Variants in PIK3C2G observed in about 807,000 individuals in gnomAD.
PIK3C2G encodes phosphatidylinositol 3-kinase C2 domain-containing subunit gamma.
In PIK3C2G, 168 loss-of-function variants were observed where a neutral mutation model predicts 181.1. That is an observed-to-expected ratio of 0.93 (90% CI 0.82 to 1.05). The LOEUF (loss-of-function observed/expected upper bound fraction) is 1.05. Among genes scored for constraint, PIK3C2G ranks in the 50% least tolerant of loss-of-function variants. The pLI is 0.00. For synonymous variants in PIK3C2G, 573 were observed against 592.2 expected (o/e 0.97, Z 0.47); for missense variants, 1,869 against 1,732.8 (o/e 1.08, Z -1.40).
chr12:18,446,288 T>C (rs972529244), intron 18 of PIK3C2G, among the ~76,000 whole-genome samples: 3 of 152,170 alleles, frequency 2.0e-5, no homozygotes, highest in Non-Finnish European at 4.4e-5. Flanking sequence ...TTCACCTCCG[T>C]GGACAACATT....
the PIK3C2G span, chr12:18,684,309 A>G: frequency 3.8e-6 from 6 of 1,570,732 alleles, no homozygotes; most frequent in Admixed American, 1.7e-5. Flanking sequence ...GATACAAAGA[A>G]TAATAGATAC....
intron 31 of PIK3C2G, among the ~76,000 whole-genome samples, chr12:18,637,038 A>G (rs1173080284): frequency 6.6e-6 from 1 of 152,172 alleles, no homozygotes; most frequent in East Asian, 1.9e-4. Context: ...CATGAGCTCA[A>G]ATTCTATTGA....
At chr12:18,701,261 A>G in the PIK3C2G span, among the ~76,000 whole-genome samples, 6 of 152,178 alleles carry the variant, frequency 3.9e-5, no homozygotes, top group African/African-American at 1.4e-4. Context: ...CTGGGATTAC[A>G]GGCATGAGCC....
chr12:18,562,346 C>A (rs1368784205), intron 26 of PIK3C2G, among the ~76,000 whole-genome samples: 2 of 152,096 alleles, frequency 1.3e-5, no homozygotes, highest in Non-Finnish European at 2.9e-5. Flanking sequence ...GTTAGCCAGG[C>A]TGGTCTCGAT....
intron 31 of PIK3C2G, among the ~76,000 whole-genome samples, chr12:18,631,073 TC>T (rs1260461968): frequency 6.6e-6 from 1 of 152,130 alleles, no homozygotes; most frequent in African/African-American, 2.4e-5. Context: ...CATAATTAAA[TC>T]ATAAGGGCAA....
At chr12:18,658,116 T>G in the PIK3C2G span, among the ~76,000 whole-genome samples, 553 of 152,116 alleles carry the variant, frequency 3.6e-3, 5 homozygotes, top group African/African-American at 0.013. Flanking sequence ...ATTAGCAAAC[T>G]TGAAAGTAAG....
rs772684568 is a variant in PIK3C2G, at chr12:18,497,706, C to G, written c.2974C>G (p.Gln992Glu). ...NIWLQEGLDM[Q>E]MIIYRCLSTG... Reference sequence around the variant, plus strand: ...TTGGCTGCAGGAAGGCTTGGATATGCAAATGATCATTTATAGATGTCTATC... The same window carrying G: ...TTGGCTGCAGGAAGGCTTGGATATGGAAATGATCATTTATAGATGTCTATC... The change falls in exon 22 of 33, where the codon CAA becomes GAA. Residue 992 changes from glutamine to glutamate, a missense_variant. Physicochemically the swap from Gln to Glu is conservative, Grantham distance 29. Transcript: ENST00000538779. 1.3e-5 allele frequency: 21 copies of G among 1,611,998 alleles called. No individual in the cohort carries two copies. Among genetic ancestry groups the G allele is most frequent in the Non-Finnish European group, 1.5e-5 (18 of 1,178,572 alleles).
chr12:18,655,278 A>G, the PIK3C2G span, among the ~76,000 whole-genome samples: 6 of 152,190 alleles, frequency 3.9e-5, no homozygotes, highest in South Asian at 1.0e-3. Context: ...AAGGAAAAAA[A>G]TATTCCCAAA....
chr12:18,301,323 C>G (rs1191494145), intron 5 of PIK3C2G, among the ~76,000 whole-genome samples: 1 of 152,132 alleles, frequency 6.6e-6, no homozygotes, highest in African/African-American at 2.4e-5. Flanking sequence ...CATCTCCACT[C>G]TTTATAGAAC....
At chr12:18,523,894 G>A (rs2136191149) in intron 24 of PIK3C2G, among the ~76,000 whole-genome samples, 1 of 152,312 alleles carries the variant, frequency 6.6e-6, no homozygotes, top group Non-Finnish European at 1.5e-5. Context: ...GGGAAGACTT[G>A]TGAGAGCATC....
At chr12:18,619,924 C>T (rs1311289224) in intron 31 of PIK3C2G, among the ~76,000 whole-genome samples, 1 of 152,024 alleles carries the variant, frequency 6.6e-6, no homozygotes, top group East Asian at 1.9e-4. Context: ...CAGGGTTTCA[C>T]CATGTTAGCC....
chr12:18,703,488 C>T, the PIK3C2G span, among the ~76,000 whole-genome samples: 3 of 152,178 alleles, frequency 2.0e-5, no homozygotes, highest in South Asian at 6.2e-4. Context: ...CCATTGCTTT[C>T]TGACCTTTGT....
intron 12 of PIK3C2G, among the ~76,000 whole-genome samples, chr12:18,367,324 A>G (rs752724849): frequency 9.2e-5 from 14 of 152,340 alleles, no homozygotes; most frequent in Non-Finnish European, 1.9e-4. Context: ...GTGTGAAAGA[A>G]TTTGAAAGAA....
chr12:18,377,651 G>A (rs1942547024), intron 13 of PIK3C2G, among the ~76,000 whole-genome samples: 2 of 152,198 alleles, frequency 1.3e-5, no homozygotes, highest in South Asian at 4.2e-4. Flanking sequence ...GGCTCCAGAT[G>A]TCCTGACATA....
At chr12:18,458,916 A>G (rs2135927255) in intron 18 of PIK3C2G, among the ~76,000 whole-genome samples, 2 of 152,066 alleles carry the variant, frequency 1.3e-5, no homozygotes, top group South Asian at 4.2e-4. Context: ...CAGGAACTGA[A>G]TTCTCCCAAC....
At position 18,571,513 on chromosome 12, in the gene PIK3C2G, A is replaced by G. The variant is rs1021553296; in HGVS notation, c.4011+4456A>G. On this transcript the variant is annotated intron_variant, in intron 29 of 32. Transcript: ENST00000538779. ...ATCTTCCTGTTAATTTTTGCTTTAT[A>G]TATTTTGTGACTGTTATTAGGATCA... Among the ~76,000 whole-genome samples, 29 of 150,794 alleles carry G rather than the reference A, an allele frequency of 1.9e-4. 2 individuals are homozygous for G. Among genetic ancestry groups the G allele is most frequent in the African/African-American group, 6.7e-4 (27 of 40,370 alleles).
intron 30 of PIK3C2G, among the ~76,000 whole-genome samples, chr12:18,601,048 G>C (rs1021218360): frequency 1.3e-5 from 2 of 151,652 alleles, no homozygotes; most frequent in Non-Finnish European, 2.9e-5. Context: ...AGAATATCAA[G>C]GAAAAATTCT....
chr12:18,293,114 C>T (rs569140584), intron 4 of PIK3C2G, among the ~76,000 whole-genome samples: 12 of 152,194 alleles, frequency 7.9e-5, no homozygotes, highest in Admixed American at 3.3e-4. Context: ...AATATTAATA[C>T]TAACATTATA....
At chr12:18,250,920 G>GATA (rs1192024511) in intron 1 of PIK3C2G, among the ~76,000 whole-genome samples, 1 of 151,812 alleles carries the variant, frequency 6.6e-6, no homozygotes, top group Non-Finnish European at 1.5e-5. Context: ...TGCAAAATCA[G>GATA]ATAATTAACT....
Sources: allele counts gnomAD v4.1 joint callset (sites outside exome capture counted in the v4.1 genomes callset), GRCh38; gene constraint gnomAD v4.1.1; transcripts MANE v1.5; gene names NCBI Gene and HGNC (gene_info 2026-07-23, HGNC 2026-07-21).